The following KMT2E variants were observed in gnomAD, a reference collection of about 807,000 sequenced individuals.
KMT2E encodes the protein lysine methyltransferase 2E (inactive), also known as histone reader KMT2E.
A neutral mutation model predicts 184.6 loss-of-function variants in KMT2E; 30 were observed. That is an observed-to-expected ratio of 0.16 (90% CI 0.12 to 0.22). The LOEUF is 0.22. KMT2E is among the 10% of genes least tolerant of loss of function. The pLI, the probability that KMT2E is intolerant of heterozygous loss-of-function variation, is 1.00. For missense variants in KMT2E, 2,023 were observed against 2,237.4 expected (o/e 0.90, Z 1.93); for synonymous variants, 815 against 776.5 (o/e 1.05, Z -0.82).
chr7:105,106,731 C>T lies in KMT2E; in HGVS notation c.2806C>T (p.Pro936Ser). Residue 936 changes from proline to serine, a missense_variant, in exon 20 of 27, where the codon CCA becomes TCA. This residue lies in a region of KMT2E where 514 missense variants were observed against 621.8 expected (regional missense o/e 0.83). Transcript: ENST00000311117. ...TAAACCCATATATTCACCAGTTACC[C>T]CAGTAACTCCTGGTACACCAGGAAA... ...GYKPIYSPVT[P>S]VTPGTPGNTM... 3 of 1,613,174 alleles carry T rather than the reference C, an allele frequency of 1.9e-6. No homozygotes were observed. Among genetic ancestry groups the T allele is most frequent in the South Asian group, 2.2e-5 (2 of 91,054 alleles).
intron 3 of KMT2E, among the ~76,000 whole-genome samples, chr7:105,046,209 C>G (rs754846461): frequency 9.9e-5 from 15 of 152,110 alleles, no homozygotes; most frequent in Non-Finnish European, 2.2e-4. Context: ...AAAAAGCCGT[C>G]TTATTCATAT....
chr7:105,014,632 GC>G (rs1794632224), intron 1 of KMT2E, 97 bp downstream of exon 1: 1 of 152,168 alleles, frequency 6.6e-6, no homozygotes, highest in Admixed American at 6.6e-5. Context: ...TTATCCTTAA[GC>G]TGGGGGAGCC....
At chr7:105,103,667 A>G (rs1198564253) in intron 17 of KMT2E, 1 of 152,016 alleles carries the variant, frequency 6.6e-6, no homozygotes, top group Non-Finnish European at 1.5e-5. Flanking sequence ...TTCTATATAC[A>G]GAGAGGGACA....
intron 15 of KMT2E, among the ~76,000 whole-genome samples, chr7:105,095,377 C>T (rs1318274332): frequency 2.0e-5 from 3 of 151,660 alleles, no homozygotes; most frequent in Non-Finnish European, 2.9e-5. Flanking sequence ...TGTATTTTTC[C>T]AGGGGGAAAT....
chr7:105,041,003 G>C lies in KMT2E; in HGVS notation c.51G>C (p.Leu17Phe), dbSNP rs1795852303. 2 of 1,605,334 alleles carry C rather than the reference G, an allele frequency of 1.2e-6. No homozygotes were observed. Among genetic ancestry groups the C allele is most frequent in the South Asian group, 1.1e-5 (1 of 90,858 alleles). Residue 17 changes from leucine (L) to phenylalanine (F), a missense_variant, in exon 3 of 27, where the codon TTG (leucine) becomes TTC (phenylalanine). Physicochemically the swap from Leu to Phe is conservative, Grantham distance 22 (BLOSUM62 0). Around this residue, in one of 8 missense-constraint regions of KMT2E, gnomAD observed 63 missense variants for 68.9 expected, o/e 0.91. Transcript: ENST00000311117. ...TTGATACAGCAGAGACGTCATACTT[G>C]GAAATGGCTGCAGGTTCAGAGTAAG... ...LGVDTAETSY[L>F]EMAAGSEPES...
Position 105,066,782 on chromosome 7 carries a change from T to G in KMT2E, c.472T>G (p.Tyr158Asp). The G allele has an allele frequency of 6.2e-7, 1 of 1,612,652 alleles. No homozygotes were observed. The highest frequency in any genetic ancestry group is 8.5e-7 in the Non-Finnish European group (1 of 1,178,936). The change falls in exon 6 of 27, where the codon TAT (tyrosine) becomes GAT (aspartate). Residue 158 changes from tyrosine (Y) to aspartate (D), a missense_variant. Tyr to Asp is a radical substitution (Grantham distance 160, BLOSUM62 -3). Transcript: ENST00000311117. ...TGATAGGCAGCATATTCCTGATACA[T>G]ATCTATGTGAACGTTGTCAGCCTAG... Reference protein sequence around the residue: ...GIDRQHIPDTYLCERCQPRNL... With the variant: ...GIDRQHIPDTDLCERCQPRNL...
At chr7:105,077,615 C>A in intron 11 of KMT2E, 182 bp downstream of exon 11, 2 of 547,830 alleles carry the variant, frequency 3.7e-6, no homozygotes, top group African/African-American at 1.9e-5. Flanking sequence ...ACTAAAACAA[C>A]ATAAAAAAAT....
chr7:105,106,587 T>A lies in KMT2E; in HGVS notation c.2662T>A (p.Ser888Thr). 1.2e-6 allele frequency: 2 copies of A among 1,613,630 alleles called. No individual in the cohort carries two copies. The highest frequency in any genetic ancestry group is 1.7e-6 in the Non-Finnish European group (2 of 1,179,544). Residue 888 changes from serine to threonine, a missense_variant, in exon 20 of 27, where the codon TCC (serine) becomes ACC (threonine). Ser to Thr is a moderately conservative substitution (Grantham distance 58). Around this residue, in one of 8 missense-constraint regions of KMT2E, gnomAD observed 514 missense variants for 621.8 expected, o/e 0.83. Transcript: ENST00000311117. ...GCTAGATTCGGTTTACTCAGAAACC[T>A]CCACACCTACTCCTTCCCCGTATGC... ...QLLDSVYSET[S>T]TPTPSPYATP...
intron 3 of KMT2E, 103 bp downstream of exon 3, chr7:105,041,126 C>A (rs1386791356): frequency 3.2e-6 from 2 of 631,838 alleles, no homozygotes; most frequent in Non-Finnish European, 5.1e-6. Context: ...TTTCTTCTTT[C>A]CTAGCCATTT....
Position 105,101,978 on chromosome 7 carries a change from C to A in KMT2E, c.1980C>A (p.His660Gln). 6 of 1,613,928 alleles carry A rather than the reference C, an allele frequency of 3.7e-6. No individual in the cohort carries two copies. Among genetic ancestry groups the A allele is most frequent in the Non-Finnish European group, 5.1e-6 (6 of 1,179,900 alleles). ...QRKSFSRSRT[H>Q]IGQQRRRHRT... is the part of the protein sequence containing the mutation. ...AAAGTTTTTCTCGGAGTAGGACTCACATTGGACAGCAGCGTCGGAGACACA... is the reference window on the plus strand; with the variant it reads ...AAAGTTTTTCTCGGAGTAGGACTCAAATTGGACAGCAGCGTCGGAGACACA... The change falls in exon 17 of 27, where the codon CAC becomes CAA. Residue 660 changes from histidine (H) to glutamine (Q), a missense_variant. By Grantham distance (24) the His-to-Gln change is conservative. Around this residue, in one of 8 missense-constraint regions of KMT2E, gnomAD observed 514 missense variants for 621.8 expected, o/e 0.83. Coordinates refer to ENST00000311117, the MANE Select transcript of KMT2E (RefSeq NM_182931.3).
At chr7:105,023,422 A>AAAAAAC (rs71155546) in intron 1 of KMT2E, among the ~76,000 whole-genome samples, 10 of 145,190 alleles carry the variant, frequency 6.9e-5, no homozygotes, top group African/African-American at 2.6e-4. Context: ...AAAAAAAAAA[A>AAAAAAC]GAGAGACAAA....
rs1446540553 is a variant in KMT2E, at chr7:105,051,975, A to C, written c.72-10189A>C. On this transcript the variant is annotated intron_variant, in intron 3 of 26. Coordinates refer to ENST00000311117, the MANE Select transcript of KMT2E (RefSeq NM_182931.3). The stretch of plus-strand genomic sequence containing the variant: ...TTGTAATCTCTTGACTAGACACTGG[A>C]GTGGAATACTCTCCATGTTTCTCTT... Among the ~76,000 whole-genome samples the C allele has an allele frequency of 2.6e-5, 4 of 152,236 alleles. No homozygotes were observed. The East Asian group carries it at 7.7e-4, about 29-fold the overall frequency.
At chr7:105,027,098 T>G (rs1016930207) in intron 1 of KMT2E, among the ~76,000 whole-genome samples, 1 of 91,636 alleles carries the variant, frequency 1.1e-5, no homozygotes, top group Non-Finnish European at 2.0e-5. Flanking sequence ...TTTTTTTTTT[T>G]GGAGACAGGG....
In KMT2E at chr7:105,102,085, C is replaced by T. The variant is rs1798679252; in HGVS notation, c.2087C>T (p.Thr696Ile). The T allele has an allele frequency of 6.2e-7, 1 of 1,613,660 alleles. No homozygotes were observed. Among genetic ancestry groups the T allele is most frequent in the East Asian group, 2.2e-5 (1 of 44,864 alleles). Residue 696 changes from threonine (T) to isoleucine (I), a missense_variant, in exon 17 of 27, where the codon ACT becomes ATT. Physicochemically the swap from Thr to Ile is moderately conservative, Grantham distance 89 (BLOSUM62 -1). Coordinates refer to ENST00000311117, the MANE Select transcript of KMT2E (RefSeq NM_182931.3). ...TCACAACAAAATGATATTGAAAATACTGTACTTACAATAGAACCAGAAACT... is the reference window on the plus strand; with the variant it reads ...TCACAACAAAATGATATTGAAAATATTGTACTTACAATAGAACCAGAAACT... Reference protein sequence around the residue: ...VTSQQNDIENTVLTIEPETET... With the variant: ...VTSQQNDIENIVLTIEPETET...
chr7:105,088,209 G>C (rs1392440293), intron 13 of KMT2E, among the ~76,000 whole-genome samples: 1 of 152,098 alleles, frequency 6.6e-6, no homozygotes. Context: ...TCATCACTTT[G>C]TGCTGCATTA....
intron 15 of KMT2E, among the ~76,000 whole-genome samples, chr7:105,099,665 T>C (rs1015380230): frequency 6.6e-6 from 1 of 152,160 alleles, no homozygotes; most frequent in African/African-American, 2.4e-5. Context: ...ACAAAAAATA[T>C]CTTCCTTGGG....
chr7:105,029,483 TA>T (rs1795314375), intron 1 of KMT2E, among the ~76,000 whole-genome samples: 1 of 152,160 alleles, frequency 6.6e-6, no homozygotes, highest in Admixed American at 6.5e-5. Flanking sequence ...TTCCATTCTT[TA>T]GAGACAAATT....
intron 1 of KMT2E, among the ~76,000 whole-genome samples, chr7:105,020,014 A>G (rs1020179505): frequency 5.3e-5 from 8 of 151,740 alleles, no homozygotes; most frequent in African/African-American, 1.9e-4. Context: ...AGGGCGAGGC[A>G]GGAGAATTGC....
intron 3 of KMT2E, among the ~76,000 whole-genome samples, chr7:105,054,540 GA>G (rs1796496324): frequency 6.6e-6 from 1 of 151,688 alleles, no homozygotes. Flanking sequence ...ATTTGAGATG[GA>G]GTTTTGCTCT....
Sources: gnomAD v4.1 joint callset for allele counts (sites outside exome capture counted in the v4.1 genomes callset) on GRCh38, gnomAD v4.1.1 for gene constraint, gnomAD v4.1.1 regional missense constraint, MANE v1.5 for transcripts, NCBI Gene and HGNC (gene_info 2026-07-23, HGNC 2026-07-21) for gene names.